Variants in ARHGAP44 observed in about 807,000 individuals in gnomAD.
ARHGAP44 encodes rho GTPase-activating protein 44.
ARHGAP44 carries 43 observed loss-of-function variants against 106.8 expected under a neutral mutation model. The observed-to-expected ratio is 0.40, with a 90% confidence interval of 0.32 to 0.52. The LOEUF (loss-of-function observed/expected upper bound fraction) is 0.52. Ranked by LOEUF, ARHGAP44 falls within the 20% of genes least tolerant of loss-of-function variation. The pLI, the probability that ARHGAP44 is intolerant of heterozygous loss-of-function variation, is 0.48. For synonymous variants in ARHGAP44, 439 were observed against 410.3 expected (o/e 1.07, Z -0.85); for missense variants, 866 against 1,050.5 (o/e 0.82, Z 2.43).
chr17:12,814,951 T>C (rs2150785773), intron 1 of ARHGAP44, among the ~76,000 whole-genome samples: 1 of 152,316 alleles, frequency 6.6e-6, no homozygotes, highest in Non-Finnish European at 1.5e-5. Flanking sequence ...CAGATTGTTG[T>C]GAGGAAACTG....
chr17:12,952,313 C>T (rs1263615795), intron 12 of ARHGAP44, among the ~76,000 whole-genome samples, 188 bp from the exon 13 acceptor site: 2 of 152,088 alleles, frequency 1.3e-5, no homozygotes, highest in Non-Finnish European at 2.9e-5. Flanking sequence ...CTGTTAAAAT[C>T]GCACAGGACA....
At chr17:12,968,563 GT>G (rs139002068) in intron 16 of ARHGAP44, among the ~76,000 whole-genome samples, 15,754 of 151,982 alleles carry the variant, frequency 0.1, 934 homozygotes, top group South Asian at 0.2. Context: ...CTCTTTATTT[GT>G]TTGTTCCTTA....
At chr17:12,892,969 T>C (rs1403585067) in intron 1 of ARHGAP44, among the ~76,000 whole-genome samples, 8 of 152,236 alleles carry the variant, frequency 5.3e-5, no homozygotes, top group African/African-American at 1.9e-4. Context: ...ATTGTCTTTT[T>C]TTCTTTCAGT....
At chr17:12,812,104 G>A (rs1157918367) in intron 1 of ARHGAP44, among the ~76,000 whole-genome samples, 2 of 152,150 alleles carry the variant, frequency 1.3e-5, no homozygotes, top group Non-Finnish European at 1.5e-5. Context: ...CAAGGTCAGG[G>A]GTGGGGAACA....
intron 8 of ARHGAP44, 76 bp downstream of exon 8, chr17:12,941,200 C>T (rs2038700095): frequency 7.5e-7 from 1 of 1,333,426 alleles, no homozygotes; most frequent in Non-Finnish European, 1.1e-6. Flanking sequence ...ATTAAGAGTC[C>T]CTTAATTGAT....
At chr17:12,939,073 G>A (rs1317142138) in intron 7 of ARHGAP44, among the ~76,000 whole-genome samples, 1 of 152,134 alleles carries the variant, frequency 6.6e-6, no homozygotes, top group Admixed American at 6.6e-5. Context: ...CAGCTGCCTG[G>A]CTGGTGATGG....
intron 1 of ARHGAP44, among the ~76,000 whole-genome samples, chr17:12,884,852 A>T (rs1444889191): frequency 1.3e-5 from 2 of 152,130 alleles, no homozygotes; most frequent in Admixed American, 1.3e-4. Context: ...TCCATGTTGT[A>T]GCATGTATGA....
intron 1 of ARHGAP44, among the ~76,000 whole-genome samples, chr17:12,871,752 G>A (rs958525945): frequency 6.6e-6 from 1 of 152,112 alleles, no homozygotes; most frequent in African/African-American, 2.4e-5. Context: ...GAGTTCTCCT[G>A]AGATCTGGTT....
chr17:12,821,851 A>G lies in ARHGAP44; in HGVS notation c.53+31960A>G, dbSNP rs116446101. Among the ~76,000 whole-genome samples the G allele has an allele frequency of 5.9e-3, 896 of 152,284 alleles. 13 individuals carry two copies. The highest frequency in any genetic ancestry group is 0.021 in the African/African-American group (858 of 41,550). On this transcript the variant is annotated intron_variant, in intron 1 of 20. Coordinates refer to ENST00000379672, the MANE Select transcript of ARHGAP44 (RefSeq NM_014859.6). ...TGTATTATAGATCAACCGACTTCCTATAGGGAAAGGTAAGTAGTCTAGTTA... is the reference window on the plus strand; with the variant it reads ...TGTATTATAGATCAACCGACTTCCTGTAGGGAAAGGTAAGTAGTCTAGTTA...
chr17:12,963,734 A>ACCAGT (rs1555564377), intron 16 of ARHGAP44, among the ~76,000 whole-genome samples: 42 of 128,176 alleles, frequency 3.3e-4, no homozygotes, highest in South Asian at 9.0e-4. Flanking sequence ...GGCCTTGCGA[A>ACCAGT]GCCCTGCCAG....
At chr17:12,952,770 G>A (rs9909385) in intron 13 of ARHGAP44, among the ~76,000 whole-genome samples, 189 bp downstream of exon 13, 2,551 of 126,980 alleles carry the variant, frequency 0.02, 70 homozygotes, top group African/African-American at 0.048. Flanking sequence ...GTCTCACTGT[G>A]TCGCCCAGGC....
At chr17:12,820,371 C>T (rs2034731387) in intron 1 of ARHGAP44, among the ~76,000 whole-genome samples, 1 of 151,940 alleles carries the variant, frequency 6.6e-6, no homozygotes, top group South Asian at 2.1e-4. Context: ...TTTAATAACA[C>T]AATTTTTAAA....
At chr17:12,797,325 G>A (rs979091880) in intron 1 of ARHGAP44, among the ~76,000 whole-genome samples, 6 of 152,072 alleles carry the variant, frequency 3.9e-5, no homozygotes, top group Non-Finnish European at 8.8e-5. Context: ...CATGGCTTAG[G>A]TATAATACTT....
chr17:12,984,691 G>C lies in ARHGAP44; in HGVS notation c.2100G>C (p.Leu700Phe). ...TGAGCTACCCTCAGGGGTACTCCTT[G>C]GCCTCGGGCCAGCTCTCCCCAGCTG... Reference protein sequence around the residue: ...YGLSYPQGYSLASGQLSPAAA... With the variant: ...YGLSYPQGYSFASGQLSPAAA... The change falls in exon 20 of 21, where the codon TTG becomes TTC. Residue 700 changes from leucine to phenylalanine, a missense_variant. Leu to Phe is a conservative substitution (Grantham distance 22). Transcript: ENST00000379672. The C allele has an allele frequency of 6.2e-7, 1 of 1,605,290 alleles. No homozygotes were observed. Among genetic ancestry groups the C allele is most frequent in the Non-Finnish European group, 8.5e-7 (1 of 1,175,424 alleles).
chr17:12,834,749 G>C (rs536055855), intron 1 of ARHGAP44, among the ~76,000 whole-genome samples: 2 of 152,132 alleles, frequency 1.3e-5, no homozygotes, highest in Non-Finnish European at 2.9e-5. Context: ...CATAATATTA[G>C]GGTGTTGGAG....
chr17:12,984,655 A>G lies in ARHGAP44; in HGVS notation c.2064A>G (p.Ser688=). ...CCCCCACCCCGCCCAGCACCCCGTCACCCTATGGACTGAGCTACCCTCAGG... is the reference window on the plus strand; with the variant it reads ...CCCCCACCCCGCCCAGCACCCCGTCGCCCTATGGACTGAGCTACCCTCAGG... ...SLSPTPPSTP[S]PYGLSYPQGY... The change falls in exon 20 of 21, where the codon TCA becomes TCG. Residue 688 remains serine (S), a synonymous_variant. Coordinates refer to ENST00000379672, the MANE Select transcript of ARHGAP44 (RefSeq NM_014859.6). The G allele has an allele frequency of 1.9e-6, 3 of 1,610,802 alleles. No homozygotes were observed. In the African/African-American group the frequency reaches 4.0e-5, roughly 22 times the overall value.
At chr17:12,855,112 T>C (rs2035870301) in intron 1 of ARHGAP44, among the ~76,000 whole-genome samples, 1 of 152,110 alleles carries the variant, frequency 6.6e-6, no homozygotes, top group African/African-American at 2.4e-5. Flanking sequence ...ACTGGGTGGG[T>C]AAAAGAAATC....
intron 4 of ARHGAP44, among the ~76,000 whole-genome samples, chr17:12,914,443 A>T (rs2037840160): frequency 6.6e-6 from 1 of 152,358 alleles, no homozygotes; most frequent in South Asian, 2.1e-4. Context: ...ATATTCAAAG[A>T]ACGAAATTCT....
intron 1 of ARHGAP44, among the ~76,000 whole-genome samples, chr17:12,824,915 G>C (rs183381152): frequency 6.6e-6 from 1 of 151,790 alleles, no homozygotes; most frequent in Non-Finnish European, 1.5e-5. Context: ...AAGATTTTCC[G>C]TAGTGCTTGA....
Sources: allele counts gnomAD v4.1 joint callset (sites outside exome capture counted in the v4.1 genomes callset), GRCh38; gene constraint gnomAD v4.1.1; transcripts MANE v1.5; gene names NCBI Gene and HGNC (gene_info 2026-07-23, HGNC 2026-07-21).